PRKN: variants seen among roughly 807,000 people sequenced by gnomAD.
PRKN encodes the protein parkin RBR E3 ubiquitin protein ligase, also known as E3 ubiquitin-protein ligase parkin.
A neutral mutation model predicts 59.5 loss-of-function variants in PRKN; 56 were observed. The ratio of observed to expected loss-of-function variants is 0.94; its 90% confidence interval spans 0.76 to 1.18. The LOEUF is 1.18. PRKN is among the 50% of genes most tolerant of loss of function. The pLI, the probability that PRKN is intolerant of heterozygous loss-of-function variation, is 0.00. For synonymous variants in PRKN, 250 were observed against 222.1 expected, an observed-to-expected ratio of 1.13 and a Z score of -1.12; for missense variants, 657 against 596.4, an observed-to-expected ratio of 1.10 and a Z score of -1.06.
At chr6:161,537,490 C>G (rs185298540) in intron 9 of PRKN, among the ~76,000 whole-genome samples, 2 of 148,412 alleles carry the variant, frequency 1.3e-5, no homozygotes, top group East Asian at 4.0e-4. Flanking sequence ...CTTGCTCTGT[C>G]GCCCAGGCTG....
chr6:162,401,500 A>G (rs565698647), intron 2 of PRKN, among the ~76,000 whole-genome samples: 5 of 152,198 alleles, frequency 3.3e-5, no homozygotes, highest in Non-Finnish European at 5.9e-5. Flanking sequence ...TCTAAGAAAA[A>G]GCCTATTTTT....
At chr6:162,445,649 G>A (rs1465701555) in intron 1 of PRKN, among the ~76,000 whole-genome samples, 3 of 123,914 alleles carry the variant, frequency 2.4e-5, no homozygotes, top group African/African-American at 6.0e-5. Flanking sequence ...CTATGGTTGT[G>A]CCATTGCACT....
At chr6:161,597,490 C>T (rs911519315) in intron 7 of PRKN, among the ~76,000 whole-genome samples, 6 of 152,202 alleles carry the variant, frequency 3.9e-5, no homozygotes, top group African/African-American at 1.4e-4. Context: ...GGCTCATCTC[C>T]TCTGCAGCCA....
intron 1 of PRKN, among the ~76,000 whole-genome samples, chr6:162,585,506 A>G (rs1781006346): frequency 6.6e-6 from 1 of 152,156 alleles, no homozygotes; most frequent in Non-Finnish European, 1.5e-5. Context: ...AATGCAGGGC[A>G]TTAGTGTTTA....
chr6:162,372,567 G>C (rs1220783170), intron 2 of PRKN, among the ~76,000 whole-genome samples: 1 of 152,138 alleles, frequency 6.6e-6, no homozygotes, highest in Admixed American at 6.5e-5. Flanking sequence ...AGAGAGGGGA[G>C]TGAGGGAGGA....
chr6:161,719,223 GT>G (rs34171246), intron 7 of PRKN, among the ~76,000 whole-genome samples: 36,063 of 147,664 alleles, frequency 0.24, 7,305 homozygotes, highest in African/African-American at 0.56. Flanking sequence ...CATTAATGGA[GT>G]TTTTTTTTTT....
intron 1 of PRKN, chr6:162,568,901 G>C (rs914816357): frequency 5.8e-6 from 4 of 684,914 alleles, no homozygotes; most frequent in Non-Finnish European, 1.1e-5. Context: ...TCCTCATCAG[G>C]AAGGACATGG....
At chr6:162,398,091 C>T (rs1583501146) in intron 2 of PRKN, among the ~76,000 whole-genome samples, 1 of 137,306 alleles carries the variant, frequency 7.3e-6, no homozygotes, top group African/African-American at 2.7e-5. Context: ...AGAAACTAAA[C>T]AAAAATTCAC....
chr6:161,396,888 C>T lies in PRKN; in HGVS notation c.1084-10011G>A, dbSNP rs1373529594. Among the ~76,000 whole-genome samples, 1 of 152,200 alleles carries T rather than the reference C, an allele frequency of 6.6e-6. No homozygotes were observed. Reference sequence around the variant, plus strand: ...CATGTTTGGGGACACCCTGCCAGCACATCTTACAGACTTTTGTCTTTGGAG... The same window carrying T: ...CATGTTTGGGGACACCCTGCCAGCATATCTTACAGACTTTTGTCTTTGGAG... On this transcript the variant is annotated intron_variant, in intron 9 of 11. Coordinates refer to ENST00000366898, the MANE Select transcript of PRKN (RefSeq NM_004562.3). The surrounding 1 kb of genome is among the most constrained non-coding windows in gnomAD (Gnocchi z 5.4).
chr6:162,527,204 T>C (rs1167139590), intron 1 of PRKN, among the ~76,000 whole-genome samples: 1 of 152,186 alleles, frequency 6.6e-6, no homozygotes, highest in Non-Finnish European at 1.5e-5. Context: ...GGATGAGCAC[T>C]GTTTCTGATC....
chr6:161,959,488 T>C (rs1390915892), intron 6 of PRKN, among the ~76,000 whole-genome samples: 1 of 152,184 alleles, frequency 6.6e-6, no homozygotes, highest in East Asian at 1.9e-4. Flanking sequence ...TCCAAAGCAA[T>C]CCTTTTAGAG....
chr6:162,644,263 C>T (rs1018657693), intron 1 of PRKN, among the ~76,000 whole-genome samples: 1 of 152,170 alleles, frequency 6.6e-6, no homozygotes, highest in African/African-American at 2.4e-5. Flanking sequence ...TCCACACCAT[C>T]CTCCAGGCAG....
chr6:162,660,495 C>A (rs1019812962), intron 1 of PRKN, among the ~76,000 whole-genome samples: 1 of 152,276 alleles, frequency 6.6e-6, no homozygotes, highest in South Asian at 2.1e-4. Flanking sequence ...AAAAAACACA[C>A]ACTATTTTCT....
chr6:161,510,979 A>G (rs1778365989), intron 9 of PRKN, among the ~76,000 whole-genome samples: 1 of 152,156 alleles, frequency 6.6e-6, no homozygotes, highest in Non-Finnish European at 1.5e-5. Flanking sequence ...TCTTCTTCCA[A>G]TATGGAAGAT....
rs146037629 is a variant in PRKN, at chr6:161,803,051, G to A, written c.735-17143C>T. Among the ~76,000 whole-genome samples the A allele has an allele frequency of 1.4e-3, 219 of 152,278 alleles. 3 individuals are homozygous for A. Among genetic ancestry groups the A allele is most frequent in the African/African-American group, 4.8e-3 (200 of 41,560 alleles). On this transcript the variant is annotated intron_variant, in intron 6 of 11. Coordinates refer to ENST00000366898, the MANE Select transcript of PRKN (RefSeq NM_004562.3). Reference sequence around the variant, plus strand: ...CATGTGAAAGACACCCTCCTTGCATGAGGAGAAAAACCACTCTTCAATTGG... The same window carrying A: ...CATGTGAAAGACACCCTCCTTGCATAAGGAGAAAAACCACTCTTCAATTGG...
intron 5 of PRKN, among the ~76,000 whole-genome samples, chr6:162,026,135 C>G (rs547311989): frequency 1.3e-5 from 2 of 149,742 alleles, no homozygotes; most frequent in Admixed American, 6.7e-5. Flanking sequence ...TTAGTTCTTT[C>G]AGTGAATTGC....
In PRKN at chr6:161,417,055, T is replaced by G. The variant is rs1274016157; in HGVS notation, c.1084-30178A>C. Among the ~76,000 whole-genome samples the G allele has an allele frequency of 1.3e-5, 2 of 152,146 alleles. No homozygotes were observed. Among genetic ancestry groups the G allele is most frequent in the African/African-American group, 4.8e-5 (2 of 41,432 alleles). The stretch of plus-strand genomic sequence containing the variant: ...TAGGAGGTGTGGCTATGCTAGCTCA[T>G]GCTCACCCCTCATTCAAGCTCCAGA... On this transcript the variant is annotated intron_variant, in intron 9 of 11. Coordinates refer to ENST00000366898, the MANE Select transcript of PRKN (RefSeq NM_004562.3). The surrounding 1 kb of genome is among the most constrained non-coding windows in gnomAD (Gnocchi z 5.4).
chr6:161,870,827 T>G (rs1163219779), intron 6 of PRKN, among the ~76,000 whole-genome samples: 2 of 152,122 alleles, frequency 1.3e-5, no homozygotes, highest in Non-Finnish European at 2.9e-5. Flanking sequence ...GATAGGTAGG[T>G]CTCCTTGTTA....
chr6:162,690,319 A>G (rs1324748851), intron 1 of PRKN, among the ~76,000 whole-genome samples: 15 of 152,220 alleles, frequency 9.9e-5, no homozygotes, highest in Admixed American at 9.8e-4. Context: ...AGAATGAGAA[A>G]GCAATCTGCC....
Sources: allele counts gnomAD v4.1 joint callset (sites outside exome capture counted in the v4.1 genomes callset), GRCh38; gene constraint gnomAD v4.1.1; non-coding constraint Gnocchi (gnomAD v3.1); transcripts MANE v1.5; gene names NCBI Gene and HGNC (gene_info 2026-07-23, HGNC 2026-07-21).